SPATA16: variants seen among roughly 807,000 people sequenced by gnomAD.
SPATA16 encodes spermatogenesis associated 16.
A neutral mutation model predicts 63.3 loss-of-function variants in SPATA16; 36 were observed. The ratio of observed to expected loss-of-function variants is 0.57; its 90% CI spans 0.44 to 0.75. The LOEUF (loss-of-function observed/expected upper bound fraction) is 0.75. SPATA16 is among the 30% of genes least tolerant of loss of function. SPATA16 has a pLI of 0.00. For synonymous variants in SPATA16, 203 were observed against 216.7 expected (o/e 0.94, Z 0.56); for missense variants, 646 against 679.3 (o/e 0.95, Z 0.54).
At position 172,977,036 on chromosome 3, in the gene SPATA16, C is replaced by A; in HGVS notation, c.865G>T (p.Asp289Tyr). ...CCTCCACCAAGCCAGAACATGTAGT[C>A]AGCAATCATGGCACTCCTAAGAACA... ...SEAARSAMIA[D>Y]YMFWLGGGRE... is the part of the protein sequence containing the mutation. The change falls in exon 5 of 11, where the codon GAC becomes TAC. Residue 289 changes from aspartate (D) to tyrosine (Y), a missense_variant. By Grantham distance (160) the Asp-to-Tyr change is radical. Coordinates refer to ENST00000351008, the MANE Select transcript of SPATA16 (RefSeq NM_031955.6). 1 of 1,609,876 alleles carries A rather than the reference C, an allele frequency of 6.2e-7. No homozygotes were observed. The highest frequency in any genetic ancestry group is 1.1e-5 in the South Asian group (1 of 91,012).
At chr3:172,974,293 T>C (rs1293320250) in intron 5 of SPATA16, among the ~76,000 whole-genome samples, 3 of 152,128 alleles carry the variant, frequency 2.0e-5, no homozygotes, top group African/African-American at 4.8e-5. Flanking sequence ...TACAGTATAG[T>C]AACTTCTGGC....
chr3:172,987,189 G>C (rs140481168), intron 4 of SPATA16, among the ~76,000 whole-genome samples: 191 of 152,304 alleles, frequency 1.3e-3, no homozygotes, highest in African/African-American at 4.3e-3. Context: ...AATGATAAAA[G>C]GATAATGGGC....
intron 5 of SPATA16, among the ~76,000 whole-genome samples, chr3:172,974,361 A>G (rs1471899129): frequency 6.6e-6 from 1 of 152,108 alleles, no homozygotes; most frequent in Non-Finnish European, 1.5e-5. Context: ...ATAAAAGTGC[A>G]TGAAAATACA....
At position 172,962,117 on chromosome 3, in the gene SPATA16, G is replaced by A. The variant is rs191245898; in HGVS notation, c.934-5293C>T. Among the ~76,000 whole-genome samples, 13 of 152,120 alleles carry A rather than the reference G, an allele frequency of 8.5e-5. No individual in the cohort carries two copies. The East Asian group carries it at 2.1e-3, about 25-fold the overall frequency. ...AAAATATAAAAATTAGCCAGACATG[G>A]TGGTGAGCGCCTGTAATACCAGCTA... On this transcript the variant is annotated intron_variant, in intron 5 of 10. Coordinates refer to ENST00000351008, the MANE Select transcript of SPATA16 (RefSeq NM_031955.6).
At chr3:173,029,406 G>GTTTTTT (rs57233262) in intron 3 of SPATA16, among the ~76,000 whole-genome samples, 10 of 139,872 alleles carry the variant, frequency 7.1e-5, no homozygotes, top group African/African-American at 2.2e-4. Flanking sequence ...AGTAATCAGA[G>GTTTTTT]TTTTTTTTTT....
Position 172,977,037 on chromosome 3 carries a change from A to G in SPATA16, c.864T>C (p.Ala288=), listed in dbSNP as rs1734177164. The change falls in exon 5 of 11, where the codon GCT becomes GCC. Residue 288 remains alanine, a synonymous_variant. Transcript: ENST00000351008. ...YSEAARSAMI[A]DYMFWLGGGR... is the part of the protein sequence containing the mutation. The stretch of plus-strand genomic sequence containing the variant: ...CTCCACCAAGCCAGAACATGTAGTC[A>G]GCAATCATGGCACTCCTAAGAACAA... The G allele has an allele frequency of 6.2e-7, 1 of 1,610,684 alleles. No homozygotes were observed. Among genetic ancestry groups the G allele is most frequent in the African/African-American group, 1.3e-5 (1 of 74,870 alleles).
In SPATA16 at chr3:172,912,927, A is replaced by G. The variant is rs73041286; in HGVS notation, c.1587+734T>C. On this transcript the variant is annotated intron_variant, in intron 10 of 10. Transcript: ENST00000351008. The stretch of plus-strand genomic sequence containing the variant: ...CACGTGTTTCCTCAGGTGCTCCAGA[A>G]TCCCTTAGGGTTGGCTTTTAAACTG... Among the ~76,000 whole-genome samples, 935 of 152,278 alleles carry G rather than the reference A, an allele frequency of 6.1e-3. 7 individuals are homozygous for G. The highest frequency in any genetic ancestry group is 0.021 in the African/African-American group (887 of 41,554).
chr3:172,889,531 TTCTGGGATA>T lies in SPATA16; in HGVS notation c.*30_*38del. 6.2e-7 allele frequency: 1 copy of T among 1,612,752 alleles called. No homozygotes were observed. The highest frequency in any genetic ancestry group is 8.5e-7 in the Non-Finnish European group (1 of 1,179,668). ...TTGGAGTGGATGCCCTTGCCTCTTC[TTCTGGGATA>T]TCTTAGTGGTAGTGCCTGCTCCCTA... On this transcript the variant is annotated 3_prime_UTR_variant, in exon 11 of 11. Coordinates refer to ENST00000351008, the MANE Select transcript of SPATA16 (RefSeq NM_031955.6).
intron 2 of SPATA16, among the ~76,000 whole-genome samples, chr3:173,072,684 C>G (rs2108308180): frequency 6.6e-6 from 1 of 152,308 alleles, no homozygotes; most frequent in Non-Finnish European, 1.5e-5. Context: ...CACTAGATCT[C>G]TTTTTCTTTA....
At chr3:173,005,525 CT>C (rs1167496198) in intron 4 of SPATA16, among the ~76,000 whole-genome samples, 1 of 152,066 alleles carries the variant, frequency 6.6e-6, no homozygotes, top group East Asian at 1.9e-4. Flanking sequence ...TCTTTGTACT[CT>C]GCCACAAGTT....
intron 8 of SPATA16, 79 bp downstream of exon 8, chr3:172,924,129 T>C: frequency 8.4e-7 from 1 of 1,194,094 alleles, no homozygotes; most frequent in Admixed American, 1.8e-5. Flanking sequence ...CTTGCACTAT[T>C]TGCCATGTAA....
rs7614464 is a variant in SPATA16 at position 173,052,278 on chromosome 3, A to G, written c.613-3184T>C. On this transcript the variant is annotated intron_variant, in intron 2 of 10. Transcript: ENST00000351008. ...AAGAGTCTCTGCTTGTATAAGATTC[A>G]AGGCAAGAAAAGAAATAAAAATGAT... 9.7e-3 allele frequency among the ~76,000 whole-genome samples: 1,480 copies of G among 152,234 alleles called. 34 individuals are homozygous for G. The highest frequency in any genetic ancestry group is 0.033 in the African/African-American group (1,387 of 41,528).
chr3:172,939,029 A>G (rs915116509), intron 6 of SPATA16, among the ~76,000 whole-genome samples: 3 of 152,192 alleles, frequency 2.0e-5, no homozygotes, highest in Non-Finnish European at 2.9e-5. Context: ...TTAACCAATT[A>G]GAAATTAAAA....
rs534687650 is a variant in SPATA16, at chr3:172,922,541, A to G, written c.1338+1667T>C. Among the ~76,000 whole-genome samples, 8 of 152,312 alleles carry G rather than the reference A, an allele frequency of 5.3e-5. No homozygotes were observed. In the South Asian group the frequency reaches 1.5e-3, roughly 28 times the overall value. ...CATAATGCCCAGTAAGGCCCAACCT[A>G]TGTTCACATTGTGAAATCGGAGCTG... On this transcript the variant is annotated intron_variant, in intron 8 of 10. Coordinates refer to ENST00000351008, the MANE Select transcript of SPATA16 (RefSeq NM_031955.6).
At chr3:173,014,977 G>C (rs1303917169) in intron 4 of SPATA16, among the ~76,000 whole-genome samples, 1 of 152,034 alleles carries the variant, frequency 6.6e-6, no homozygotes, top group Non-Finnish European at 1.5e-5. Context: ...GGCTTTATAA[G>C]CATTTGAATG....
chr3:173,022,798 C>T (rs933568632), intron 3 of SPATA16, among the ~76,000 whole-genome samples: 1 of 151,342 alleles, frequency 6.6e-6, no homozygotes. Context: ...GCTGATTGGT[C>T]TGATTTTATC....
intron 2 of SPATA16, among the ~76,000 whole-genome samples, chr3:173,107,821 G>C (rs1303390951): frequency 6.6e-6 from 1 of 152,144 alleles, no homozygotes; most frequent in African/African-American, 2.4e-5. Context: ...TTTGGTTTCA[G>C]TAGACTTACA....
chr3:173,090,140 C>G (rs11919368), intron 2 of SPATA16, among the ~76,000 whole-genome samples: 5,139 of 152,156 alleles, frequency 0.034, 287 homozygotes, highest in African/African-American at 0.12. Flanking sequence ...TTGGTGAGAG[C>G]TGATTGGATC....
At chr3:172,960,887 C>CTTTCTTTCTTTCTT (rs1177756966) in intron 5 of SPATA16, among the ~76,000 whole-genome samples, 1 of 62,344 alleles carries the variant, frequency 1.6e-5, no homozygotes, top group Non-Finnish European at 3.1e-5. Flanking sequence ...CTTTCTTTCT[C>CTTTCTTTCTTTCTT]TCTCTCCTTC....
Sources: gnomAD v4.1 joint callset for allele counts (sites outside exome capture counted in the v4.1 genomes callset) on GRCh38, gnomAD v4.1.1 for gene constraint, MANE v1.5 for transcripts, NCBI Gene and HGNC (gene_info 2026-07-23, HGNC 2026-07-21) for gene names.